The following GRHL2 variants were observed in gnomAD, a reference collection of about 807,000 sequenced individuals.
GRHL2 encodes grainyhead like transcription factor 2.
In GRHL2, 21 loss-of-function variants were observed where a neutral mutation model predicts 83.8. That is an observed-to-expected ratio of 0.25 (90% CI 0.18 to 0.36). The LOEUF (loss-of-function observed/expected upper bound fraction) is 0.36. Among genes scored for constraint, GRHL2 ranks in the 10% least tolerant of loss-of-function variants. GRHL2 has a pLI of 1.00. For synonymous variants in GRHL2, 280 were observed against 278.9 expected, an observed-to-expected ratio of 1.00 and a Z score of -0.04; for missense variants, 623 against 781.8, an observed-to-expected ratio of 0.80 and a Z score of 2.42.
chr8:101,673,370 T>A (rs200215738), downstream of GRHL2, among the ~76,000 whole-genome samples: 542 of 151,698 alleles, frequency 3.6e-3, 4 homozygotes, highest in Middle Eastern at 0.014. Context: ...TACCAAGCAA[T>A]TGGAAAACAA....
intron 7 of GRHL2, among the ~76,000 whole-genome samples, chr8:101,592,101 T>TC (rs1554589901): frequency 1.1e-3 from 3 of 2,808 alleles, no homozygotes; most frequent in Non-Finnish European, 3.7e-3. Context: ...CTTTCTTTTC[T>TC]TTTTTTTTTT....
chr8:101,573,955 G>C, intron 6 of GRHL2, 131 bp downstream of exon 6: 1 of 1,074,832 alleles, frequency 9.3e-7, no homozygotes. Flanking sequence ...GAATGTCAGA[G>C]AGTTGGGGCA....
chr8:101,582,319 C>G (rs1408267515), intron 7 of GRHL2, among the ~76,000 whole-genome samples: 2 of 151,884 alleles, frequency 1.3e-5, no homozygotes, highest in East Asian at 3.9e-4. Flanking sequence ...GGTGGATACT[C>G]TCATGCACGC....
chr8:101,586,128 G>A (rs569543174), intron 7 of GRHL2, among the ~76,000 whole-genome samples: 154 of 139,450 alleles, frequency 1.1e-3, no homozygotes, highest in African/African-American at 4.0e-3. Flanking sequence ...GTGGGACTGC[G>A]GACTGCAGTG....
At chr8:101,633,137 C>T (rs1208941713) in intron 11 of GRHL2, among the ~76,000 whole-genome samples, 1 of 152,100 alleles carries the variant, frequency 6.6e-6, no homozygotes, top group Non-Finnish European at 1.5e-5. Context: ...AAAATTGCAA[C>T]ACTTTTTACA....
chr8:101,628,176 G>A (rs1424528108), intron 9 of GRHL2, among the ~76,000 whole-genome samples: 1 of 152,134 alleles, frequency 6.6e-6, no homozygotes, highest in Non-Finnish European at 1.5e-5. Flanking sequence ...CTAGAGAGAA[G>A]TCAATGCCTG....
chr8:101,543,904 G>A, intron 2 of GRHL2: 1 of 205,546 alleles, frequency 4.9e-6, no homozygotes, highest in South Asian at 8.4e-5. Context: ...AATCATGGCA[G>A]GAAGCAAAAG....
chr8:101,540,649 C>T (rs1205370568), intron 1 of GRHL2, among the ~76,000 whole-genome samples: 1 of 152,128 alleles, frequency 6.6e-6, no homozygotes, highest in Admixed American at 6.5e-5. Flanking sequence ...CAAAAGCATG[C>T]ATCATGACAG....
downstream of GRHL2, among the ~76,000 whole-genome samples, chr8:101,672,722 G>T (rs536833783): frequency 4.0e-5 from 6 of 151,558 alleles, no homozygotes; most frequent in Non-Finnish European, 8.8e-5. Context: ...GATACTCCTC[G>T]AGAAGAGCAA....
At chr8:101,639,158 G>A (rs190149052) in intron 12 of GRHL2, among the ~76,000 whole-genome samples, 6 of 152,134 alleles carry the variant, frequency 3.9e-5, no homozygotes, top group Non-Finnish European at 7.4e-5. Context: ...GATGGCCATC[G>A]ACCTACTTGT....
chr8:101,510,920 G>A (rs530680201), intron 1 of GRHL2, among the ~76,000 whole-genome samples: 29 of 152,154 alleles, frequency 1.9e-4, no homozygotes, highest in South Asian at 1.9e-3. Context: ...CCAACATGGC[G>A]AAACCCCGTC....
intron 12 of GRHL2, among the ~76,000 whole-genome samples, chr8:101,638,394 A>G (rs2129644238): frequency 6.6e-6 from 1 of 152,346 alleles, no homozygotes; most frequent in South Asian, 2.1e-4. Context: ...AAAGAAGAAG[A>G]ATATTGCATG....
intron 1 of GRHL2, among the ~76,000 whole-genome samples, chr8:101,522,693 T>C (rs528526080): frequency 4.0e-4 from 54 of 134,242 alleles, no homozygotes; most frequent in Admixed American, 5.7e-4. Flanking sequence ...CCTCAGGCCA[T>C]TGCCAAGCCT....
At chr8:101,644,390 C>T (rs1277814722) in intron 13 of GRHL2, among the ~76,000 whole-genome samples, 165 bp downstream of exon 13, 1 of 152,206 alleles carries the variant, frequency 6.6e-6, no homozygotes, top group African/African-American at 2.4e-5. Context: ...AAACTCTGTC[C>T]TTTCAACACC....
At chr8:101,672,148 T>G (rs1814220948), downstream of GRHL2, among the ~76,000 whole-genome samples, 8 of 151,554 alleles carry the variant, frequency 5.3e-5, no homozygotes, top group Admixed American at 5.2e-4. Context: ...GCAGAGCACC[T>G]CTCCTCCTCC....
At chr8:101,511,712 G>C (rs571888456) in intron 1 of GRHL2, among the ~76,000 whole-genome samples, 199 of 151,954 alleles carry the variant, frequency 1.3e-3, no homozygotes, top group Non-Finnish European at 2.2e-3. Context: ...GCTTAAGAAG[G>C]CTTTCTCTGC....
At chr8:101,637,474 G>A (rs755208353) in intron 12 of GRHL2, among the ~76,000 whole-genome samples, 6 of 152,208 alleles carry the variant, frequency 3.9e-5, no homozygotes, top group Non-Finnish European at 7.3e-5. Context: ...GACAGTCACA[G>A]AGACTCCCAA....
At chr8:101,644,775 G>T (rs1176724395) in intron 13 of GRHL2, among the ~76,000 whole-genome samples, 2 of 152,118 alleles carry the variant, frequency 1.3e-5, no homozygotes, top group Admixed American at 6.5e-5. Context: ...AAGTGTGTGG[G>T]TGCACATTCC....
intron 1 of GRHL2, among the ~76,000 whole-genome samples, chr8:101,500,035 C>G (rs1810191638): frequency 1.3e-5 from 2 of 152,128 alleles, no homozygotes; most frequent in African/African-American, 4.8e-5. Flanking sequence ...AAGATCGCAC[C>G]ACTGCACTCC....
Sources: gnomAD v4.1 joint callset for allele counts (sites outside exome capture counted in the v4.1 genomes callset) on GRCh38, gnomAD v4.1.1 for gene constraint, MANE v1.5 for transcripts, NCBI Gene and HGNC (gene_info 2026-07-23, HGNC 2026-07-21) for gene names.